COL4A1: variants seen among roughly 807,000 people sequenced by gnomAD.
COL4A1 encodes collagen alpha-1(IV) chain.
Under a neutral mutation model 216.6 loss-of-function variants are expected in COL4A1, and 40 were observed. That is an observed-to-expected ratio of 0.18 (90% confidence interval 0.14 to 0.24). The LOEUF (loss-of-function observed/expected upper bound fraction) is 0.24, where lower values mean the gene tolerates loss of function less well. Ranked by LOEUF, COL4A1 falls within the 10% of genes least tolerant of loss-of-function variation. COL4A1 has a pLI of 1.00. For synonymous variants in COL4A1, 839 were observed against 810.7 expected (o/e 1.03, Z -0.59); for missense variants, 1,628 against 2,196.8 (o/e 0.74, Z 5.18).
chr13:110,174,467 G>A lies in COL4A1; in HGVS notation c.3385C>T (p.Pro1129Ser). ...CTACCTGCTTCTCCTTTGACACCAGGGATGCCATCCAATCCTGGGAGGCCT... is the reference window on the plus strand; with the variant it reads ...CTACCTGCTTCTCCTTTGACACCAGAGATGCCATCCAATCCTGGGAGGCCT... ...DKGLPGLDGI[P>S]GVKGEAGLPG... The change falls in exon 39 of 52, where the codon CCT becomes TCT. Residue 1129 changes from proline to serine, a missense_variant. Pro to Ser is a moderately conservative substitution (Grantham distance 74). This residue lies in a region of COL4A1 where 345 missense variants were observed against 476.9 expected (regional missense o/e 0.72). Transcript: ENST00000375820. 2 of 1,614,060 alleles carry A rather than the reference G, an allele frequency of 1.2e-6. No homozygotes were observed. The highest frequency in any genetic ancestry group is 1.7e-6 in the Non-Finnish European group (2 of 1,180,010).
intron 1 of COL4A1, among the ~76,000 whole-genome samples, chr13:110,258,664 T>C (rs980223247): frequency 1.3e-5 from 2 of 152,244 alleles, no homozygotes; most frequent in Admixed American, 6.5e-5. Context: ...TGCCAGGTGA[T>C]ATAAATGATA....
At chr13:110,215,828 C>T (rs1183844743) in intron 2 of COL4A1, among the ~76,000 whole-genome samples, 3 of 152,188 alleles carry the variant, frequency 2.0e-5, no homozygotes, top group Non-Finnish European at 4.4e-5. Context: ...CATCCAAAGT[C>T]GTCCTTCTTT....
chr13:110,154,095 T>C (rs776570557), intron 50 of COL4A1, among the ~76,000 whole-genome samples: 1 of 152,210 alleles, frequency 6.6e-6, no homozygotes, highest in African/African-American at 2.4e-5. Flanking sequence ...AGATAATAAA[T>C]AATGTTCATC....
rs1407570784 is a variant in COL4A1 at position 110,209,966 on chromosome 13, C to A, written c.615+14G>T. The A allele has an allele frequency of 1.2e-6, 2 of 1,613,746 alleles. No individual in the cohort carries two copies. The highest frequency in any genetic ancestry group is 1.3e-5 in the African/African-American group (1 of 74,900). On this transcript the variant is annotated intron_variant, in intron 10 of 51. Coordinates refer to ENST00000375820, the MANE Select transcript of COL4A1 (RefSeq NM_001845.6). Reference sequence around the variant, plus strand: ...TTAAATGATTGCCTCGGAGAGACAGCCCCCAAAACTTACTGGTGGTCCGGT... The same window carrying A: ...TTAAATGATTGCCTCGGAGAGACAGACCCCAAAACTTACTGGTGGTCCGGT...
chr13:110,196,490 AT>A (rs1878895218), intron 21 of COL4A1, among the ~76,000 whole-genome samples: 1 of 152,220 alleles, frequency 6.6e-6, no homozygotes, highest in Non-Finnish European at 1.5e-5. Flanking sequence ...ATGCTCAAGA[AT>A]ATTGAGAGAC....
intron 50 of COL4A1, among the ~76,000 whole-genome samples, chr13:110,153,358 A>G (rs1876603771): frequency 1.3e-5 from 2 of 152,234 alleles, no homozygotes; most frequent in South Asian, 4.1e-4. Flanking sequence ...AGGTGCTGGA[A>G]GACACTGTTC....
In COL4A1 at chr13:110,207,909, G is replaced by C. The variant is rs992690479; in HGVS notation, c.694-420C>G. 1.3e-5 allele frequency among the ~76,000 whole-genome samples: 2 copies of C among 151,778 alleles called. No individual in the cohort carries two copies. Among genetic ancestry groups the C allele is most frequent in the Non-Finnish European group, 2.9e-5 (2 of 67,930 alleles). On this transcript the variant is annotated intron_variant, in intron 12 of 51. Coordinates refer to ENST00000375820, the MANE Select transcript of COL4A1 (RefSeq NM_001845.6). The surrounding 1 kb of genome is among the most constrained non-coding windows in gnomAD (Gnocchi z 4.4). The stretch of plus-strand genomic sequence containing the variant: ...ACAACCATCAAGAGTCTCCCTCCTC[G>C]GGCATCCTAACTGCCGGGTACGCCT...
chr13:110,187,238 T>C lies in COL4A1; in HGVS notation c.1628A>G (p.Lys543Arg). The C allele has an allele frequency of 6.2e-7, 1 of 1,613,844 alleles. No individual in the cohort carries two copies. Among genetic ancestry groups the C allele is most frequent in the African/African-American group, 1.3e-5 (1 of 75,012 alleles). ...FYFDLRLKGDKGDPGFPGQPG... is the reference protein window; with the variant it reads ...FYFDLRLKGDRGDPGFPGQPG... ...CTGTCCTGGAAAGCCTGGGTCTCCT[T>C]TGTCACCTTTGAGCCGCAAGTCGAA... Residue 543 changes from lysine to arginine, a missense_variant, in exon 25 of 52, where the codon AAA becomes AGA. Lys to Arg is a conservative substitution (Grantham distance 26). Around this residue, in one of 8 missense-constraint regions of COL4A1, gnomAD observed 701 missense variants for 892.5 expected, o/e 0.79. Transcript: ENST00000375820.
intron 18 of COL4A1, among the ~76,000 whole-genome samples, chr13:110,202,514 T>C (rs1192314094): frequency 6.6e-6 from 1 of 152,236 alleles, no homozygotes; most frequent in African/African-American, 2.4e-5. Flanking sequence ...CATAAATATA[T>C]ACAATTTTTG....
intron 2 of COL4A1, among the ~76,000 whole-genome samples, chr13:110,220,062 G>C (rs34966754): frequency 0.38 from 57,107 of 150,316 alleles, 11,288 homozygotes; most frequent in East Asian, 0.6. Context: ...CTCAGCCTCC[G>C]CAGTAGCTGG....
At position 110,183,242 on chromosome 13, in the gene COL4A1, T is replaced by C; in HGVS notation, c.1932A>G (p.Leu644=). The change falls in exon 27 of 52, where the codon TTA becomes TTG. Residue 644 remains leucine, a synonymous_variant. Transcript: ENST00000375820. ...GTCCTTCTGCTCCAGGGGGGCCTGG[T>C]AAAGGAACAATTTTTCCTGGTTCAC... ...PKGEPGKIVP[L]PGPPGAEGLP... 1 of 1,613,518 alleles carries C rather than the reference T, an allele frequency of 6.2e-7. No individual in the cohort carries two copies. The highest frequency in any genetic ancestry group is 8.5e-7 in the Non-Finnish European group (1 of 1,179,956).
chr13:110,212,317 G>T, intron 6 of COL4A1, 100 bp downstream of exon 6: 2 of 1,418,950 alleles, frequency 1.4e-6, no homozygotes, highest in Non-Finnish European at 2.0e-6. Flanking sequence ...TCCAATTGTG[G>T]CAAATAAAAC....
chr13:110,190,055 T>G (rs2139176817), intron 24 of COL4A1, among the ~76,000 whole-genome samples: 1 of 152,350 alleles, frequency 6.6e-6, no homozygotes, highest in East Asian at 1.9e-4. Flanking sequence ...ACTCACAGCC[T>G]AAAAATATAA....
At chr13:110,152,186 G>A (rs536362378) in intron 51 of COL4A1, 148 bp downstream of exon 51, 204 of 1,273,626 alleles carry the variant, frequency 1.6e-4, no homozygotes, top group Non-Finnish European at 1.9e-4. Context: ...AAATCGTCTC[G>A]GTCATCTGCC....
intron 51 of COL4A1, among the ~76,000 whole-genome samples, chr13:110,151,696 CG>C (rs1876505635): frequency 6.6e-6 from 1 of 152,258 alleles, no homozygotes; most frequent in African/African-American, 2.4e-5. Context: ...TTGGCTCCAG[CG>C]GGGCTGCAGC....
chr13:110,239,109 A>C (rs1287941883), intron 2 of COL4A1, among the ~76,000 whole-genome samples: 1 of 152,194 alleles, frequency 6.6e-6, no homozygotes, highest in Non-Finnish European at 1.5e-5. Context: ...GACTCTCTGA[A>C]ATCCAGTAGA....
At chr13:110,252,458 ATACATATAAT>A (rs1228812842) in intron 1 of COL4A1, among the ~76,000 whole-genome samples, 9 of 52,306 alleles carry the variant, frequency 1.7e-4, no homozygotes, top group Admixed American at 2.4e-4. Context: ...TATGTATTAT[ATACATATAAT>A]TATATGTATT....
intron 2 of COL4A1, among the ~76,000 whole-genome samples, chr13:110,227,289 A>G (rs1880775510): frequency 6.6e-6 from 1 of 152,036 alleles, no homozygotes; most frequent in African/African-American, 2.4e-5. Flanking sequence ...ATAAAAATAG[A>G]TTGTAGAGTA....
intron 43 of COL4A1, among the ~76,000 whole-genome samples, chr13:110,168,813 C>G (rs1877464343): frequency 1.3e-5 from 2 of 152,208 alleles, no homozygotes; most frequent in Admixed American, 1.3e-4. Flanking sequence ...CTCTCTCTTT[C>G]TCCTAACGTG....
Sources: gnomAD v4.1 joint callset for allele counts (sites outside exome capture counted in the v4.1 genomes callset) on GRCh38, gnomAD v4.1.1 for gene constraint, gnomAD v4.1.1 regional missense constraint, Gnocchi (gnomAD v3.1) non-coding constraint, MANE v1.5 for transcripts, NCBI Gene and HGNC (gene_info 2026-07-23, HGNC 2026-07-21) for gene names.